COL4A1: variants seen among roughly 807,000 people sequenced by gnomAD.
The protein encoded by COL4A1 is collagen alpha-1(IV) chain.
Under a neutral mutation model 216.6 loss-of-function variants are expected in COL4A1, and 40 were observed. The observed-to-expected ratio is 0.18, with a 90% CI of 0.14 to 0.24. The LOEUF (loss-of-function observed/expected upper bound fraction) is 0.24. COL4A1 is among the 10% of genes least tolerant of loss of function. The probability of loss-of-function intolerance (pLI) is 1.00; values close to 1 mark genes in which losing one functional copy is unlikely to be tolerated. For missense variants in COL4A1, 1,628 were observed against 2,196.8 expected, an observed-to-expected ratio of 0.74 and a Z score of 5.18; for synonymous variants, 839 against 810.7, an observed-to-expected ratio of 1.03 and a Z score of -0.59.
intron 2 of COL4A1, among the ~76,000 whole-genome samples, chr13:110,227,888 C>T (rs573578816): frequency 1.1e-4 from 17 of 152,320 alleles, no homozygotes; most frequent in Non-Finnish European, 2.1e-4. Flanking sequence ...AGCCCTGTCT[C>T]GGGTCTCCGG....
At chr13:110,252,406 A>G (rs1220932927) in intron 1 of COL4A1, among the ~76,000 whole-genome samples, 1 of 149,350 alleles carries the variant, frequency 6.7e-6, no homozygotes, top group Non-Finnish European at 1.5e-5. Flanking sequence ...TTCTACACAT[A>G]GTTATATGTG....
intron 51 of COL4A1, among the ~76,000 whole-genome samples, chr13:110,151,287 A>G (rs1378491733): frequency 6.6e-6 from 1 of 151,888 alleles, no homozygotes; most frequent in Non-Finnish European, 1.5e-5. Flanking sequence ...ATTTTAGTTT[A>G]TTGTATCAGG....
chr13:110,154,169 G>T (rs1338306650), intron 50 of COL4A1, among the ~76,000 whole-genome samples: 2 of 152,230 alleles, frequency 1.3e-5, no homozygotes, highest in African/African-American at 2.4e-5. Context: ...GACTTCCAAT[G>T]ATGGTGCAGA....
intron 1 of COL4A1, among the ~76,000 whole-genome samples, chr13:110,290,777 GT>G (rs1376232151): frequency 2.0e-5 from 3 of 152,204 alleles, no homozygotes; most frequent in Admixed American, 2.0e-4. Flanking sequence ...TCTATAACTG[GT>G]TGTGATCAAT....
intron 42 of COL4A1, among the ~76,000 whole-genome samples, chr13:110,170,024 GA>G (rs1297212990): frequency 3.0e-5 from 4 of 132,420 alleles, no homozygotes; most frequent in Non-Finnish European, 6.3e-5. Context: ...GAAGGTCTGG[GA>G]AGGAAGGAAG....
At chr13:110,164,308 G>GT (rs1330299931) in intron 46 of COL4A1, among the ~76,000 whole-genome samples, 1 of 152,130 alleles carries the variant, frequency 6.6e-6, no homozygotes, top group Non-Finnish European at 1.5e-5. Flanking sequence ...TTATTCTTAA[G>GT]TATCATTAAA....
At chr13:110,267,287 G>A (rs549256360) in intron 1 of COL4A1, among the ~76,000 whole-genome samples, 4 of 152,272 alleles carry the variant, frequency 2.6e-5, no homozygotes, top group Admixed American at 1.3e-4. Flanking sequence ...GCAGGGAGAC[G>A]GAGCTACGCA....
chr13:110,231,658 C>T (rs1210500391), intron 2 of COL4A1, among the ~76,000 whole-genome samples: 2 of 152,184 alleles, frequency 1.3e-5, no homozygotes, highest in African/African-American at 2.4e-5. Context: ...ACTACCCAGG[C>T]CCACGGGTAC....
At chr13:110,181,532 TG>T (rs1304016491) in intron 28 of COL4A1, 143 bp from the exon 29 acceptor site, 1 of 865,280 alleles carries the variant, frequency 1.2e-6, no homozygotes, top group Non-Finnish European at 1.9e-6. Flanking sequence ...CCGAGGTGGC[TG>T]GAAGAGGCCA....
At chr13:110,180,872 G>C (rs1878118834) in intron 29 of COL4A1, among the ~76,000 whole-genome samples, 1 of 152,158 alleles carries the variant, frequency 6.6e-6, no homozygotes, top group Non-Finnish European at 1.5e-5. Flanking sequence ...AAAGGCACAG[G>C]GTGGCCCCCC....
chr13:110,219,544 C>T (rs1314441581), intron 2 of COL4A1, among the ~76,000 whole-genome samples: 4 of 151,606 alleles, frequency 2.6e-5, no homozygotes, highest in Middle Eastern at 3.4e-3. Flanking sequence ...TGTGCAGTGG[C>T]CCTCCATCAA....
rs188132052 is a variant in COL4A1, at chr13:110,211,784, A to G, written c.441+85T>C. The G allele has an allele frequency of 8.0e-4, 1,188 of 1,489,316 alleles. 4 individuals carry two copies. The highest frequency in any genetic ancestry group is 3.8e-3 in the Middle Eastern group (21 of 5,560). The allele number at this position is 1,489,316 out of a possible 1,614,324, so 92.3% of individuals were successfully genotyped here. A position where few individuals can be genotyped will look rare whatever the true frequency, so the allele number is the denominator to read the frequency against. On this transcript the variant is annotated intron_variant, in intron 7 of 51. Coordinates refer to ENST00000375820, the MANE Select transcript of COL4A1 (RefSeq NM_001845.6). The surrounding 1 kb of genome is among the most constrained non-coding windows in gnomAD (Gnocchi z 4.3). ...AATATAAGTTATTAAAACATAAGCA[A>G]AGAAAGAAAGAAAAGGAAATGGAAT... is the stretch of plus-strand genomic sequence containing the variant.
At chr13:110,256,737 C>CCGG (rs1441704293) in intron 1 of COL4A1, among the ~76,000 whole-genome samples, 3 of 144,936 alleles carry the variant, frequency 2.1e-5, no homozygotes, top group African/African-American at 7.7e-5. Context: ...ATGCCCCAGA[C>CCGG]CGGCGGCGGG....
At chr13:110,242,885 G>T in intron 1 of COL4A1, 151 bp from the exon 2 acceptor site, 1 of 873,514 alleles carries the variant, frequency 1.1e-6, no homozygotes, top group Non-Finnish European at 1.9e-6. Context: ...GTTTTCATGG[G>T]GCTGTCATGC....
At chr13:110,265,882 C>CT (rs1481004658) in intron 1 of COL4A1, 1 of 152,188 alleles carries the variant, frequency 6.6e-6, no homozygotes, top group African/African-American at 2.4e-5. Flanking sequence ...ACACTAGACT[C>CT]TAAGAGCCCG....
intron 37 of COL4A1, 79 bp from the exon 38 acceptor site, chr13:110,174,828 T>C (rs1216003820): frequency 7.5e-6 from 10 of 1,330,346 alleles, no homozygotes; most frequent in South Asian, 2.3e-5. Context: ...GATAATGGTA[T>C]ACATTTTGGT....
intron 20 of COL4A1, among the ~76,000 whole-genome samples, chr13:110,199,753 G>A (rs1287404607): frequency 2.6e-5 from 4 of 152,168 alleles, no homozygotes; most frequent in African/African-American, 9.7e-5. Flanking sequence ...CAACTTCAAT[G>A]GCTTTTTATC....
chr13:110,227,180 G>A (rs1880770373), intron 2 of COL4A1, among the ~76,000 whole-genome samples: 2 of 151,944 alleles, frequency 1.3e-5, no homozygotes, highest in South Asian at 4.2e-4. Context: ...ACTACTTAAT[G>A]TCAATAGACT....
At position 110,268,777 on chromosome 13, in the gene COL4A1, G is replaced by A. The variant is rs527449037; in HGVS notation, c.85-26043C>T. Among the ~76,000 whole-genome samples, 2 of 152,300 alleles carry A rather than the reference G, an allele frequency of 1.3e-5. No homozygotes were observed. Among genetic ancestry groups the A allele is most frequent in the Admixed American group, 1.3e-4 (2 of 15,304 alleles). ...GCTGACTTCCAGGACCACACGCCTGGCACGTGGGAGGCTCAACAAATCTGA... is the reference window on the plus strand; with the variant it reads ...GCTGACTTCCAGGACCACACGCCTGACACGTGGGAGGCTCAACAAATCTGA... On this transcript the variant is annotated intron_variant, in intron 1 of 51. Transcript: ENST00000375820. The surrounding 1 kb of genome is among the most constrained non-coding windows in gnomAD (Gnocchi z 4.1).
Sources: gnomAD v4.1 joint callset for allele counts (sites outside exome capture counted in the v4.1 genomes callset) on GRCh38, gnomAD v4.1.1 for gene constraint, Gnocchi (gnomAD v3.1) non-coding constraint, MANE v1.5 for transcripts, NCBI Gene and HGNC (gene_info 2026-07-23, HGNC 2026-07-21) for gene names.